Variants in ARHGAP15 observed in about 807,000 individuals in gnomAD.
ARHGAP15 encodes the protein rho GTPase-activating protein 15.
Under a neutral mutation model 63.7 loss-of-function variants are expected in ARHGAP15, and 51 were observed. The ratio of observed to expected loss-of-function variants is 0.80; its 90% confidence interval spans 0.64 to 1.01. ARHGAP15 has a LOEUF of 1.01. Among genes scored for constraint, ARHGAP15 ranks in the 50% least tolerant of loss-of-function variants. ARHGAP15 has a pLI of 0.00. For synonymous variants in ARHGAP15, 191 were observed against 193.8 expected (o/e 0.99, Z 0.12); for missense variants, 560 against 564.6 (o/e 0.99, Z 0.08).
chr2:143,554,105 A>G (rs1480607659), intron 10 of ARHGAP15, among the ~76,000 whole-genome samples: 1 of 152,170 alleles, frequency 6.6e-6, no homozygotes, highest in Non-Finnish European at 1.5e-5. Flanking sequence ...AGATATTCAC[A>G]TTTTATCTTT....
chr2:143,541,169 C>T (rs1009776539), intron 10 of ARHGAP15, among the ~76,000 whole-genome samples: 4 of 152,276 alleles, frequency 2.6e-5, no homozygotes, highest in East Asian at 1.9e-4. Context: ...TTGATCGCAT[C>T]GGTTACTGAG....
chr2:143,725,681 C>A (rs1251294256), intron 13 of ARHGAP15, among the ~76,000 whole-genome samples: 2 of 152,178 alleles, frequency 1.3e-5, no homozygotes, highest in Non-Finnish European at 2.9e-5. Context: ...AGACCTTCCT[C>A]AAGATTTTTT....
intron 12 of ARHGAP15, among the ~76,000 whole-genome samples, chr2:143,653,389 G>A (rs7600109): frequency 0.095 from 14,484 of 151,872 alleles, 935 homozygotes; most frequent in East Asian, 0.32. Context: ...AATGAGCTAC[G>A]AAGTACTCCA....
chr2:143,414,081 T>G (rs886818485), intron 6 of ARHGAP15, among the ~76,000 whole-genome samples: 1 of 151,732 alleles, frequency 6.6e-6, no homozygotes, highest in East Asian at 1.9e-4. Flanking sequence ...ATTAATCACC[T>G]TATTGCATAT....
intron 6 of ARHGAP15, among the ~76,000 whole-genome samples, chr2:143,281,721 A>G (rs1310283678): frequency 6.6e-6 from 1 of 152,194 alleles, no homozygotes; most frequent in Non-Finnish European, 1.5e-5. Flanking sequence ...ATTAAAATGT[A>G]CATGTGTTGC....
intron 6 of ARHGAP15, among the ~76,000 whole-genome samples, chr2:143,253,104 T>A (rs1680238135): frequency 6.6e-6 from 1 of 152,076 alleles, no homozygotes; most frequent in South Asian, 2.1e-4. Context: ...AATCTCAGTC[T>A]ATGAATTATA....
chr2:143,295,124 G>T (rs1237530686), intron 6 of ARHGAP15, among the ~76,000 whole-genome samples: 1 of 151,984 alleles, frequency 6.6e-6, no homozygotes, highest in Non-Finnish European at 1.5e-5. Context: ...ATGAAATCTG[G>T]ATTCAAATCT....
intron 1 of ARHGAP15, among the ~76,000 whole-genome samples, chr2:143,136,628 G>A (rs1689154566): frequency 1.3e-5 from 2 of 151,880 alleles, no homozygotes; most frequent in African/African-American, 2.4e-5. Context: ...TACTTTGAGG[G>A]CATGAAAACC....
intron 8 of ARHGAP15, among the ~76,000 whole-genome samples, chr2:143,452,497 AAATG>A (rs1194367420): frequency 6.6e-6 from 1 of 151,942 alleles, no homozygotes; most frequent in Non-Finnish European, 1.5e-5. Context: ...AACACTTTAA[AAATG>A]AATGTGCTTC....
intron 6 of ARHGAP15, among the ~76,000 whole-genome samples, chr2:143,294,000 A>ACC (rs1682523105): frequency 6.6e-6 from 1 of 152,072 alleles, no homozygotes; most frequent in Non-Finnish European, 1.5e-5. Context: ...CTCAATGGTA[A>ACC]ATTAGTCTTA....
intron 11 of ARHGAP15, among the ~76,000 whole-genome samples, chr2:143,565,893 G>C (rs1696199953): frequency 2.0e-5 from 3 of 152,120 alleles, no homozygotes; most frequent in Admixed American, 2.0e-4. Context: ...CATGTCTTTT[G>C]TTTTTGTTTT....
At chr2:143,594,788 A>G (rs1697448805) in intron 11 of ARHGAP15, among the ~76,000 whole-genome samples, 3 of 152,198 alleles carry the variant, frequency 2.0e-5, no homozygotes, top group African/African-American at 7.2e-5. Context: ...CTGGTGGAGC[A>G]AATGTTACAG....
intron 6 of ARHGAP15, among the ~76,000 whole-genome samples, chr2:143,401,567 C>T (rs1471450830): frequency 6.6e-6 from 1 of 151,942 alleles, no homozygotes. Flanking sequence ...GTGACCTTTA[C>T]CTCTGTAGAC....
At chr2:143,293,996 G>A (rs1366221827) in intron 6 of ARHGAP15, among the ~76,000 whole-genome samples, 3 of 151,996 alleles carry the variant, frequency 2.0e-5, no homozygotes, top group Non-Finnish European at 4.4e-5. Context: ...GTAACTCAAT[G>A]GTAAATTAGT....
chr2:143,270,888 C>T (rs1026134037), intron 6 of ARHGAP15, among the ~76,000 whole-genome samples: 3 of 152,088 alleles, frequency 2.0e-5, no homozygotes, highest in Non-Finnish European at 4.4e-5. Context: ...ACATATTTAT[C>T]AGTCATATTC....
At chr2:143,454,671 G>T (rs963795636) in intron 8 of ARHGAP15, among the ~76,000 whole-genome samples, 1 of 152,000 alleles carries the variant, frequency 6.6e-6, no homozygotes, top group African/African-American at 2.4e-5. Flanking sequence ...TTTTTCTTAC[G>T]TTCATAATAT....
intron 6 of ARHGAP15, among the ~76,000 whole-genome samples, chr2:143,377,785 G>C (rs1558930835): frequency 6.6e-6 from 1 of 152,020 alleles, no homozygotes; most frequent in Non-Finnish European, 1.5e-5. Context: ...GTTCCTGATT[G>C]AGTATACATC....
chr2:143,152,909 T>TAG (rs994401246), intron 1 of ARHGAP15, among the ~76,000 whole-genome samples: 2 of 151,794 alleles, frequency 1.3e-5, no homozygotes, highest in South Asian at 4.2e-4. Flanking sequence ...AACATTGTGG[T>TAG]AGAGAGAGAG....
intron 10 of ARHGAP15, among the ~76,000 whole-genome samples, chr2:143,538,053 C>G (rs1209211018): frequency 6.6e-6 from 1 of 151,970 alleles, no homozygotes; most frequent in African/African-American, 2.4e-5. Context: ...CTTTTATTTC[C>G]TTGAGCAGTA....
Sources: gnomAD v4.1 joint callset for allele counts (sites outside exome capture counted in the v4.1 genomes callset) on GRCh38, gnomAD v4.1.1 for gene constraint, MANE v1.5 for transcripts, NCBI Gene and HGNC (gene_info 2026-07-23, HGNC 2026-07-21) for gene names.